FPGS: variants seen among roughly 807,000 people sequenced by gnomAD.
FPGS encodes folylpolyglutamate synthase, mitochondrial.
A neutral mutation model predicts 66.5 loss-of-function variants in FPGS; 53 were observed. That is an observed-to-expected ratio of 0.80 (90% confidence interval 0.64 to 1.00). The LOEUF is 1.00. FPGS is among the 50% of genes least tolerant of loss of function. The pLI, the probability that FPGS is intolerant of heterozygous loss-of-function variation, is 0.00. For synonymous variants in FPGS, 348 were observed against 350.9 expected, an observed-to-expected ratio of 0.99 and a Z score of 0.09; for missense variants, 702 against 807.7, an observed-to-expected ratio of 0.87 and a Z score of 1.59.
In FPGS at chr9:127,804,499, G is replaced by A. The variant is rs1829730131; in HGVS notation, c.268G>A (p.Val90Met). Residue 90 changes from valine to methionine, a missense_variant and splice_region_variant, in exon 3 of 15, where the codon GTG (valine) becomes ATG (methionine). Val to Met is a conservative substitution (Grantham distance 21). This residue lies in a region of FPGS where 240 missense variants were observed against 348.6 expected (regional missense o/e 0.69). Coordinates refer to ENST00000373247, the MANE Select transcript of FPGS (RefSeq NM_004957.6). ...ELYLARSGLQVEDLDRLNIIH... is the reference protein window; with the variant it reads ...ELYLARSGLQMEDLDRLNIIH... ...CAGGGACCTTGTCTGTCTGTCCCAG[G>A]TGGAGGACTTGGACCGGCTGAACAT... 4 of 1,614,148 alleles carry A rather than the reference G, an allele frequency of 2.5e-6. No homozygotes were observed. The highest frequency in any genetic ancestry group is 3.4e-6 in the Non-Finnish European group (4 of 1,180,002).
chr9:127,808,030 C>T (rs912482583), intron 8 of FPGS: 12 of 583,492 alleles, frequency 2.1e-5, no homozygotes, highest in Middle Eastern at 3.6e-4. Context: ...CACTCGAACC[C>T]GGGAGGCAGA....
In FPGS at chr9:127,808,470, G is replaced by A. The variant is rs1001400806; in HGVS notation, c.823-88G>A. The A allele has an allele frequency of 3.8e-6, 6 of 1,571,030 alleles. No individual in the cohort carries two copies. The East Asian group carries it at 9.2e-5, about 24-fold the overall frequency. ...GAACACATCTCAGTTCTGGGAGCAG[G>A]GCTTGGTGGCTGGGGGAGGGGAGAG... On this transcript the variant is annotated intron_variant, in intron 9 of 14. Transcript: ENST00000373247.
At chr9:127,811,418 C>T (rs1045057933) in intron 14 of FPGS, among the ~76,000 whole-genome samples, 1 of 151,646 alleles carries the variant, frequency 6.6e-6, no homozygotes, top group Non-Finnish European at 1.5e-5. Flanking sequence ...GGAGGCGGAG[C>T]TGGCAGTGAG....
chr9:127,814,204 T>A, downstream of FPGS: 1 of 965,254 alleles, frequency 1.0e-6, no homozygotes, highest in Non-Finnish European at 1.2e-6. Flanking sequence ...CCTGTGCGCC[T>A]CAGGTGGCCT....
Position 127,804,571 on chromosome 9 carries a change from G to C in FPGS, c.321+19G>C, listed in dbSNP as rs533962712. 7 of 1,614,190 alleles carry C rather than the reference G, an allele frequency of 4.3e-6. No homozygotes were observed. The Admixed American group carries it at 1.2e-4, about 27-fold the overall frequency. On this transcript the variant is annotated intron_variant, in intron 3 of 14. Transcript: ENST00000373247. ...GGGGAAGGTGAGGGGCAGGACCCTG[G>C]GGTAGGGGGTCTATTAAGTGGCTGG... is the stretch of plus-strand genomic sequence containing the variant.
chr9:127,806,834 G>C, intron 4 of FPGS, 139 bp from the exon 5 acceptor site: 1 of 664,740 alleles, frequency 1.5e-6, no homozygotes, highest in South Asian at 1.7e-5. Flanking sequence ...CAGATAGTCC[G>C]GGGGGATGGG....
rs371400326 is a variant in FPGS at position 127,810,028 on chromosome 9, C to T, written c.1212-3C>T. ...TTGACCCAGCTCCTCACCTCTGTCG[C>T]AGTGGCCCCGAGGTTCGAGTCTTGC... On this transcript the variant is annotated splice_polypyrimidine_tract_variant and splice_region_variant and intron_variant, in intron 12 of 14. Coordinates refer to ENST00000373247, the MANE Select transcript of FPGS (RefSeq NM_004957.6). The T allele has an allele frequency of 4.3e-6, 7 of 1,610,920 alleles. No individual in the cohort carries two copies. Among genetic ancestry groups the T allele is most frequent in the South Asian group, 1.1e-5 (1 of 90,498 alleles).
intron 13 of FPGS, among the ~76,000 whole-genome samples, chr9:127,810,662 C>T (rs1439308530): frequency 1.3e-5 from 2 of 152,114 alleles, no homozygotes; most frequent in African/African-American, 4.8e-5. Flanking sequence ...GATTTGGGGC[C>T]CCCTCACTAT....
At chr9:127,803,269 CTA>C in intron 1 of FPGS, 2 of 1,242,520 alleles carry the variant, frequency 1.6e-6, no homozygotes, top group Non-Finnish European at 2.0e-6. Flanking sequence ...AATTCGGAGA[CTA>C]TAGCGTCCCC....
rs747333821 is a variant in FPGS at position 127,807,129 on chromosome 9, G to T, written c.501+42G>T. 10 of 1,609,636 alleles carry T rather than the reference G, an allele frequency of 6.2e-6. No homozygotes were observed. The highest frequency in any genetic ancestry group is 2.2e-5 in the South Asian group (2 of 90,986). On this transcript the variant is annotated intron_variant, in intron 5 of 14. Transcript: ENST00000373247. The surrounding 1 kb of genome is among the most constrained non-coding windows in gnomAD (Gnocchi z 5.8). Reference sequence around the variant, plus strand: ...GGCTGGCGGGTGGGTATGGTTGGGGGTGCTACGTGTTCCAGCACCCCATCT... The same window carrying T: ...GGCTGGCGGGTGGGTATGGTTGGGGTTGCTACGTGTTCCAGCACCCCATCT...
rs1829979611 is a variant in FPGS, at chr9:127,809,754, C to T, written c.1131C>T (p.Asp377=). Residue 377 remains aspartate, a synonymous_variant, in exon 12 of 15, where the codon GAC becomes GAT. Coordinates refer to ENST00000373247, the MANE Select transcript of FPGS (RefSeq NM_004957.6). ...GCGGGCCCCTCACCTGGTACCTGGACGGTGCGCACACCGCCAGCAGCGCGC... is the reference window on the plus strand; with the variant it reads ...GCGGGCCCCTCACCTGGTACCTGGATGGTGCGCACACCGCCAGCAGCGCGC... The part of the protein sequence containing the change: ...LRRGPLTWYL[D]GAHTASSAQA... 6.5e-7 allele frequency: 1 copy of T among 1,549,668 alleles called. No homozygotes were observed. The highest frequency in any genetic ancestry group is 1.4e-5 in the African/African-American group (1 of 71,550).
chr9:127,811,576 C>G (rs369408138), intron 14 of FPGS, among the ~76,000 whole-genome samples: 87 of 152,286 alleles, frequency 5.7e-4, no homozygotes, highest in South Asian at 4.6e-3. Context: ...ACCTCTGCCT[C>G]CTAGGTTCAA....
intron 14 of FPGS, among the ~76,000 whole-genome samples, chr9:127,811,450 C>T (rs553343726): frequency 5.8e-4 from 87 of 151,266 alleles, no homozygotes; most frequent in African/African-American, 2.0e-3. Flanking sequence ...CCACTGCACT[C>T]TAGGTCTGGG....
Position 127,808,679 on chromosome 9 carries a change from G to A in FPGS, c.944G>A (p.Cys315Tyr). ...NAALALQLAH[C>Y]WLQRQDRHGA... ...GCCTTGGCCTTGCAGCTGGCCCACTGCTGGCTGCAGCGGCAGGACCGCCAT... is the reference window on the plus strand; with the variant it reads ...GCCTTGGCCTTGCAGCTGGCCCACTACTGGCTGCAGCGGCAGGACCGCCAT... The change falls in exon 10 of 15, where the codon TGC becomes TAC. Residue 315 changes from cysteine (C) to tyrosine (Y), a missense_variant. This residue lies in a region of FPGS where 240 missense variants were observed against 348.6 expected (regional missense o/e 0.69). Transcript: ENST00000373247. 6.3e-7 allele frequency: 1 copy of A among 1,595,360 alleles called. No individual in the cohort carries two copies. Among genetic ancestry groups the A allele is most frequent in the Non-Finnish European group, 8.5e-7 (1 of 1,171,560 alleles).
chr9:127,813,109 T>A, intron 14 of FPGS, 86 bp from the exon 15 acceptor site: 1 of 1,492,474 alleles, frequency 6.7e-7, no homozygotes. Flanking sequence ...GCGAAGCAGG[T>A]GCTCACGGTG....
chr9:127,813,111 C>G, intron 14 of FPGS, 84 bp from the exon 15 acceptor site: 2 of 1,495,042 alleles, frequency 1.3e-6, no homozygotes, highest in East Asian at 2.4e-5. Flanking sequence ...GAAGCAGGTG[C>G]TCACGGTGCA....
intron 4 of FPGS, among the ~76,000 whole-genome samples, chr9:127,805,881 C>T (rs78191768): frequency 0.013 from 1,923 of 152,298 alleles, 37 homozygotes; most frequent in African/African-American, 0.04. Context: ...CAGGTGGAAC[C>T]GGGATCACTC....
rs72547444 is a variant in FPGS, at chr9:127,813,865, C to T, written c.*261C>T. Reference sequence around the variant, plus strand: ...AGTGGCCTGGCCGTTCAGCCTGTCTCCCCCAACACCCCGCCTGCCTCCTGG... The same window carrying T: ...AGTGGCCTGGCCGTTCAGCCTGTCTTCCCCAACACCCCGCCTGCCTCCTGG... On this transcript the variant is annotated 3_prime_UTR_variant, in exon 15 of 15. Transcript: ENST00000373247. 7.3e-5 allele frequency: 89 copies of T among 1,219,496 alleles called. No individual in the cohort carries two copies. In the Admixed American group the frequency reaches 1.1e-3, roughly 15 times the overall value. The allele number at this position is 1,219,496 out of a possible 1,614,324, so 75.5% of individuals were successfully genotyped here.
At position 127,809,981 on chromosome 9, in the gene FPGS, C is replaced by A. The variant is rs768041129; in HGVS notation, c.1212-50C>A. The A allele has an allele frequency of 2.9e-5, 45 of 1,552,870 alleles. No homozygotes were observed. The African/African-American group carries it at 4.9e-4, about 17-fold the overall frequency. ...GTGGGCGGGGACGGGATTGGTACCG[C>A]AGGGAGAACGGGCGGCGCCCTTTGA... On this transcript the variant is annotated intron_variant, in intron 12 of 14. Transcript: ENST00000373247.
Sources: allele counts gnomAD v4.1 joint callset (sites outside exome capture counted in the v4.1 genomes callset), GRCh38; gene constraint gnomAD v4.1.1; regional missense constraint gnomAD v4.1.1; non-coding constraint Gnocchi (gnomAD v3.1); transcripts MANE v1.5; gene names NCBI Gene and HGNC (gene_info 2026-07-23, HGNC 2026-07-21).